Variants in TMCO4 observed in about 807,000 individuals in gnomAD.
TMCO4 encodes the protein transmembrane and coiled-coil domain-containing protein 4.
A neutral mutation model predicts 64.7 loss-of-function variants in TMCO4; 58 were observed. The ratio of observed to expected loss-of-function variants is 0.90; its 90% CI spans 0.73 to 1.12. The LOEUF (loss-of-function observed/expected upper bound fraction) is 1.12. Among genes scored for constraint, TMCO4 ranks in the 50% most tolerant of loss-of-function variants. The pLI is 0.00. For missense variants in TMCO4, 780 were observed against 825.9 expected (o/e 0.94, Z 0.68); for synonymous variants, 325 against 346.1 (o/e 0.94, Z 0.68).
chr1:19,789,804 G>C (rs1258304575), intron 2 of TMCO4, among the ~76,000 whole-genome samples: 2 of 152,090 alleles, frequency 1.3e-5, no homozygotes, highest in Non-Finnish European at 2.9e-5. Flanking sequence ...TATAATCCCA[G>C]CACTTTGGGA....
chr1:19,784,769 C>T (rs1304679279), intron 3 of TMCO4, among the ~76,000 whole-genome samples: 1 of 67,510 alleles, frequency 1.5e-5, no homozygotes, highest in Non-Finnish European at 3.0e-5. Context: ...CTTTTGGCTT[C>T]CCTGGGCTAC....
At position 19,775,146 on chromosome 1, in the gene TMCO4, C is replaced by T. The variant is rs148033781; in HGVS notation, c.180-3664G>A. The stretch of plus-strand genomic sequence containing the variant: ...ATGGCACGATCTTGGCTCACTGCAT[C>T]CTCTGCCTCCCAGGTTCAAGCGATT... On this transcript the variant is annotated intron_variant, in intron 4 of 15. Coordinates refer to ENST00000294543, the MANE Select transcript of TMCO4 (RefSeq NM_181719.7). Among the ~76,000 whole-genome samples, 605 of 152,248 alleles carry T rather than the reference C, an allele frequency of 4.0e-3. 2 individuals carry two copies. Among genetic ancestry groups the T allele is most frequent in the African/African-American group, 0.013 (536 of 41,530 alleles).
At chr1:19,685,787 C>T (rs1455884069) in intron 15 of TMCO4, among the ~76,000 whole-genome samples, 1 of 141,410 alleles carries the variant, frequency 7.1e-6, no homozygotes, top group African/African-American at 2.6e-5. Flanking sequence ...AGTCTTGGCT[C>T]ACTTTAAGCT....
chr1:19,735,834 G>A (rs557639175), intron 13 of TMCO4, among the ~76,000 whole-genome samples: 1 of 152,312 alleles, frequency 6.6e-6, no homozygotes, highest in Admixed American at 6.5e-5. Flanking sequence ...CTGGCAGATA[G>A]ACGGTTTGCT....
intron 2 of TMCO4, among the ~76,000 whole-genome samples, chr1:19,789,054 G>A (rs1477193695): frequency 6.7e-6 from 1 of 148,510 alleles, no homozygotes; most frequent in Admixed American, 6.8e-5. Context: ...CAGCCTGGGC[G>A]ACAGAGTGAG....
Position 19,755,554 on chromosome 1 carries a change from G to C in TMCO4, c.515+80C>G. 4 of 1,577,694 alleles carry C rather than the reference G, an allele frequency of 2.5e-6. No homozygotes were observed. The South Asian group carries it at 4.7e-5, about 18-fold the overall frequency. On this transcript the variant is annotated intron_variant, in intron 7 of 15. Coordinates refer to ENST00000294543, the MANE Select transcript of TMCO4 (RefSeq NM_181719.7). ...ACCTCACTACACCATCTCTTAAAGG[G>C]AGAAGGGGACTCTGTTATCTGCAAA... is the stretch of plus-strand genomic sequence containing the variant.
chr1:19,691,497 T>C (rs2095194527), intron 15 of TMCO4, among the ~76,000 whole-genome samples: 1 of 152,184 alleles, frequency 6.6e-6, no homozygotes, highest in Non-Finnish European at 1.5e-5. Flanking sequence ...CCCCATGTTA[T>C]CAAATGCTCA....
intron 15 of TMCO4, among the ~76,000 whole-genome samples, chr1:19,688,741 C>T (rs1252457345): frequency 6.6e-6 from 1 of 152,220 alleles, no homozygotes; most frequent in Non-Finnish European, 1.5e-5. Context: ...GTTACTACCA[C>T]TATGCAGGAC....
chr1:19,716,165 T>TTTATTATTATTATTATTA (rs35582165), intron 13 of TMCO4, among the ~76,000 whole-genome samples: 15 of 144,902 alleles, frequency 1.0e-4, no homozygotes, highest in African/African-American at 2.8e-4. Flanking sequence ...TTATTTTTAT[T>TTTATTATTATTATTATTA]TTATTATTAT....
At chr1:19,720,564 A>T (rs2095377685) in intron 13 of TMCO4, among the ~76,000 whole-genome samples, 1 of 152,160 alleles carries the variant, frequency 6.6e-6, no homozygotes, top group Non-Finnish European at 1.5e-5. Flanking sequence ...TTTGCCCATA[A>T]GTTGTTGCTT....
At chr1:19,783,498 A>G (rs57532219) in intron 3 of TMCO4, among the ~76,000 whole-genome samples, 12,206 of 152,290 alleles carry the variant, frequency 0.08, 806 homozygotes, top group African/African-American at 0.19. Flanking sequence ...GTCTGTCCAC[A>G]ACTAATATTT....
rs369229688 is a variant in TMCO4 at position 19,739,978 on chromosome 1, T to C, written c.1043-18A>G. On this transcript the variant is annotated intron_variant, in intron 11 of 15. Transcript: ENST00000294543. Reference sequence around the variant, plus strand: ...CACAATGCCTGGGGAGGTGAGATAGTGATGAAGGGAATGGCCCCTGTCCTA... The same window carrying C: ...CACAATGCCTGGGGAGGTGAGATAGCGATGAAGGGAATGGCCCCTGTCCTA... The C allele has an allele frequency of 1.2e-6, 2 of 1,608,362 alleles. No homozygotes were observed.
At chr1:19,694,289 A>G in intron 15 of TMCO4, 145 bp downstream of exon 15, 1 of 666,094 alleles carries the variant, frequency 1.5e-6, no homozygotes, top group Non-Finnish European at 2.5e-6. Flanking sequence ...GGCATGAGCC[A>G]CTGCACCTGG....
Position 19,737,894 on chromosome 1 carries a change from G to A in TMCO4, c.1180-438C>T, listed in dbSNP as rs1404636550. On this transcript the variant is annotated intron_variant, in intron 12 of 15. Transcript: ENST00000294543. ...CACCCCCAGGTGTGAGGGGTAAAAA[G>A]GCAAGAGTGACAAGGGAGGGACAAC... Among the ~76,000 whole-genome samples, 3 of 152,232 alleles carry A rather than the reference G, an allele frequency of 2.0e-5. No individual in the cohort carries two copies. In the South Asian group the frequency reaches 6.2e-4, roughly 32 times the overall value.
At chr1:19,690,071 C>A (rs1452756399) in intron 15 of TMCO4, among the ~76,000 whole-genome samples, 2 of 152,256 alleles carry the variant, frequency 1.3e-5, no homozygotes, top group Admixed American at 6.5e-5. Flanking sequence ...GACTCAGCCA[C>A]ATTGTGGGGA....
chr1:19,759,067 A>G (rs1342238765), intron 6 of TMCO4, among the ~76,000 whole-genome samples: 1 of 138,110 alleles, frequency 7.2e-6, no homozygotes, highest in African/African-American at 2.8e-5. Flanking sequence ...ATGCCACTGC[A>G]CTCCAGCCTG....
At chr1:19,797,763 C>T (rs1302898240) in intron 2 of TMCO4, among the ~76,000 whole-genome samples, 1 of 151,196 alleles carries the variant, frequency 6.6e-6, no homozygotes, top group African/African-American at 2.4e-5. Context: ...ACTTGGAAGC[C>T]TGAGGCAGGA....
intron 4 of TMCO4, among the ~76,000 whole-genome samples, chr1:19,779,825 C>T (rs1235688732): frequency 6.6e-6 from 1 of 152,182 alleles, no homozygotes; most frequent in Non-Finnish European, 1.5e-5. Context: ...GGACGGTGTC[C>T]TACTTGATTG....
At chr1:19,749,990 A>G (rs1237682403) in intron 7 of TMCO4, 2 of 152,222 alleles carry the variant, frequency 1.3e-5, no homozygotes, top group Non-Finnish European at 2.9e-5. Flanking sequence ...TCCTCAACCT[A>G]CAAATGGGGA....
Sources: gnomAD v4.1 joint callset for allele counts (sites outside exome capture counted in the v4.1 genomes callset) on GRCh38, gnomAD v4.1.1 for gene constraint, MANE v1.5 for transcripts, NCBI Gene and HGNC (gene_info 2026-07-23, HGNC 2026-07-21) for gene names.